Variants in DGKB observed in about 807,000 individuals in gnomAD.
DGKB encodes the protein 90 kDa diacylglycerol kinase.
A neutral mutation model predicts 114.3 loss-of-function variants in DGKB; 67 were observed. The ratio of observed to expected loss-of-function variants is 0.59; its 90% confidence interval spans 0.48 to 0.72. DGKB has a LOEUF of 0.72. DGKB is among the 30% of genes least tolerant of loss of function. The probability of loss-of-function intolerance (pLI) is 0.00; values close to 1 mark genes in which losing one functional copy is unlikely to be tolerated. For missense variants in DGKB, 907 were observed against 975.2 expected (o/e 0.93, Z 0.93); for synonymous variants, 398 against 323.1 (o/e 1.23, Z -2.49).
At chr7:14,716,148 G>A (rs377337490) in intron 6 of DGKB, among the ~76,000 whole-genome samples, 1 of 152,188 alleles carries the variant, frequency 6.6e-6, no homozygotes, top group East Asian at 1.9e-4. Context: ...CAACTGTTGT[G>A]TCAGGTGAAT....
chr7:14,726,026 A>T (rs188634513), intron 5 of DGKB, among the ~76,000 whole-genome samples: 1 of 152,232 alleles, frequency 6.6e-6, no homozygotes. Flanking sequence ...AATAAAATAC[A>T]TACACATATT....
chr7:14,896,235 G>A (rs1302991848), intron 1 of DGKB, among the ~76,000 whole-genome samples: 2 of 151,666 alleles, frequency 1.3e-5, no homozygotes, highest in Admixed American at 1.3e-4. Flanking sequence ...AAGATCAGAG[G>A]AGAAAGAATG....
intron 1 of DGKB, among the ~76,000 whole-genome samples, chr7:14,949,836 G>C (rs1163200672): frequency 6.6e-6 from 1 of 151,804 alleles, no homozygotes; most frequent in East Asian, 1.9e-4. Flanking sequence ...ATCATTCTCA[G>C]CACACTATTG....
intron 23 of DGKB, among the ~76,000 whole-genome samples, chr7:14,284,977 A>C (rs1800628954): frequency 6.6e-6 from 1 of 151,716 alleles, no homozygotes; most frequent in Non-Finnish European, 1.5e-5. Flanking sequence ...TAACCTGCAC[A>C]ATGTGCACAT....
chr7:14,270,589 A>G (rs1798134970), intron 23 of DGKB, among the ~76,000 whole-genome samples: 1 of 152,198 alleles, frequency 6.6e-6, no homozygotes, highest in Non-Finnish European at 1.5e-5. Flanking sequence ...GTCTTTGTCC[A>G]TGTGGTGCAA....
At position 14,212,387 on chromosome 7, in the gene DGKB, ATTTACTCTCATGTTTTGTGAT is replaced by A. The variant is rs1265482263; in HGVS notation, c.2123-34257_2123-34237del. 7.9e-3 allele frequency among the ~76,000 whole-genome samples: 161 copies of A among 20,278 alleles called. 48 individuals carry two copies. The highest frequency in any genetic ancestry group is 0.013 in the South Asian group (9 of 718). 13.3% of individuals were successfully genotyped at this position (20,278 alleles called of 152,430 possible). A position where few individuals can be genotyped will look rare whatever the true frequency, so the allele number is the denominator to read the frequency against. On this transcript the variant is annotated intron_variant, in intron 23 of 25. Coordinates refer to ENST00000402815, the MANE Select transcript of DGKB (RefSeq NM_001350709.2). ...TGATTTTACTCTCGTGTTTTGTGATATTTACTCTCATGTTTTGTGATTTTACTCTCGTGTTTTGTGATATTT... is the reference window on the plus strand; with the variant it reads ...TGATTTTACTCTCGTGTTTTGTGATATTTACTCTCGTGTTTTGTGATATTT...
At chr7:14,508,559 A>AGTTT (rs1787471837) in intron 20 of DGKB, among the ~76,000 whole-genome samples, 1 of 152,222 alleles carries the variant, frequency 6.6e-6, no homozygotes, top group Non-Finnish European at 1.5e-5. Flanking sequence ...GGTAGGATGA[A>AGTTT]GTTTAATCAT....
intron 23 of DGKB, among the ~76,000 whole-genome samples, chr7:14,194,806 CT>C (rs1368019049): frequency 2.0e-5 from 3 of 152,062 alleles, no homozygotes; most frequent in Non-Finnish European, 4.4e-5. Flanking sequence ...CTGACTATAA[CT>C]TTGTTTTTAT....
At chr7:14,157,534 T>G (rs1562491879) in intron 25 of DGKB, among the ~76,000 whole-genome samples, 1 of 152,176 alleles carries the variant, frequency 6.6e-6, no homozygotes, top group Non-Finnish European at 1.5e-5. Context: ...ACTTGCCAAT[T>G]AAATTCACAG....
chr7:14,927,862 C>T (rs1461818168), intron 1 of DGKB, among the ~76,000 whole-genome samples: 1 of 151,672 alleles, frequency 6.6e-6, no homozygotes, highest in Non-Finnish European at 1.5e-5. Flanking sequence ...GCAAAATCTG[C>T]TCTAAAATTT....
intron 19 of DGKB, among the ~76,000 whole-genome samples, chr7:14,577,571 T>C (rs771327387): frequency 5.3e-5 from 8 of 151,916 alleles, no homozygotes; most frequent in East Asian, 1.9e-4. Flanking sequence ...GAGCTGAGAT[T>C]GCGCCACTGC....
chr7:14,517,628 C>T (rs1789045216), intron 20 of DGKB, among the ~76,000 whole-genome samples: 1 of 151,738 alleles, frequency 6.6e-6, no homozygotes, highest in Non-Finnish European at 1.5e-5. Context: ...AAAAACAAAA[C>T]ACCTCATTAA....
intron 23 of DGKB, among the ~76,000 whole-genome samples, chr7:14,248,906 T>A (rs1325486226): frequency 1.3e-5 from 2 of 152,148 alleles, no homozygotes; most frequent in African/African-American, 4.8e-5. Flanking sequence ...GAGAGAGCAG[T>A]CTTGACTCAT....
intron 5 of DGKB, among the ~76,000 whole-genome samples, chr7:14,734,482 C>T (rs2128397148): frequency 6.6e-6 from 1 of 152,158 alleles, no homozygotes; most frequent in South Asian, 2.1e-4. Flanking sequence ...ATATTATTTG[C>T]TTTTCTTACT....
chr7:14,167,806 C>T (rs1784828219), intron 25 of DGKB, among the ~76,000 whole-genome samples: 1 of 152,178 alleles, frequency 6.6e-6, no homozygotes, highest in South Asian at 2.1e-4. Flanking sequence ...ACAGAGTCAA[C>T]TACCTGCTAA....
intron 4 of DGKB, among the ~76,000 whole-genome samples, chr7:14,737,968 A>T (rs1468085562): frequency 6.6e-6 from 1 of 152,152 alleles, no homozygotes; most frequent in East Asian, 1.9e-4. Flanking sequence ...TGAGTAATAT[A>T]AAAAATGTGA....
chr7:14,588,628 A>ACTT (rs1350430383), intron 17 of DGKB, among the ~76,000 whole-genome samples: 1 of 151,838 alleles, frequency 6.6e-6, no homozygotes, highest in African/African-American at 2.4e-5. Flanking sequence ...GTAGTGGAGC[A>ACTT]CTTTTTTTCT....
At chr7:14,485,300 G>GGGGT (rs780236968) in intron 20 of DGKB, among the ~76,000 whole-genome samples, 1 of 141,898 alleles carries the variant, frequency 7.0e-6, no homozygotes, top group African/African-American at 2.6e-5. Context: ...ATGCTCATGA[G>GGGGT]GTGTGTGTGT....
At position 14,521,906 on chromosome 7, in the gene DGKB, A is replaced by AT. The variant is rs778278816; in HGVS notation, c.1771-43682dup. Among the ~76,000 whole-genome samples, 8 of 151,774 alleles carry AT rather than the reference A, an allele frequency of 5.3e-5. No homozygotes were observed. The South Asian group carries it at 1.2e-3, about 24-fold the overall frequency. On this transcript the variant is annotated intron_variant, in intron 20 of 25. Coordinates refer to ENST00000402815, the MANE Select transcript of DGKB (RefSeq NM_001350709.2). ...TTTACTTTCTCTTCTTAAGATGTAT[A>AT]TTTTTTTTGGCTTGTTATTTATTTT...
Sources: gnomAD v4.1 joint callset for allele counts (sites outside exome capture counted in the v4.1 genomes callset) on GRCh38, gnomAD v4.1.1 for gene constraint, MANE v1.5 for transcripts, NCBI Gene and HGNC (gene_info 2026-07-23, HGNC 2026-07-21) for gene names.